Variants in LYPLAL1 observed in about 807,000 individuals in gnomAD.
The protein encoded by LYPLAL1 is lysophospholipase-like protein 1.
Under a neutral mutation model 19.7 loss-of-function variants are expected in LYPLAL1, and 23 were observed. The ratio of observed to expected loss-of-function variants is 1.17; its 90% CI spans 0.84 to 1.65. LYPLAL1 has a LOEUF of 1.65. Among genes scored for constraint, LYPLAL1 ranks in the 40% most tolerant of loss-of-function variants. LYPLAL1 has a pLI of 0.00. For missense variants in LYPLAL1, 355 were observed against 279.4 expected (o/e 1.27, Z -1.93); for synonymous variants, 119 against 96.3 (o/e 1.24, Z -1.38).
the LYPLAL1 span, among the ~76,000 whole-genome samples, chr1:219,281,259 T>A: frequency 2.6e-5 from 4 of 152,154 alleles, no homozygotes; most frequent in African/African-American, 9.6e-5. Context: ...GCAATTAATA[T>A]CTTCCCTGTC....
chr1:219,329,900 G>A, the LYPLAL1 span, among the ~76,000 whole-genome samples: 1 of 151,892 alleles, frequency 6.6e-6, no homozygotes, highest in Non-Finnish European at 1.5e-5. Context: ...TCTCCTCCTC[G>A]CCCCCACCCC....
chr1:219,392,789 A>G, the LYPLAL1 span, among the ~76,000 whole-genome samples: 1 of 152,306 alleles, frequency 6.6e-6, no homozygotes, highest in South Asian at 2.1e-4. Context: ...TTGAGCCCAC[A>G]GCCTCCATAA....
chr1:219,440,038 T>TATAC, the LYPLAL1 span, among the ~76,000 whole-genome samples: 1 of 145,046 alleles, frequency 6.9e-6, no homozygotes, highest in Non-Finnish European at 1.5e-5. Flanking sequence ...TATATATATA[T>TATAC]ACACTCAGTG....
the LYPLAL1 span, among the ~76,000 whole-genome samples, chr1:219,282,121 C>A: frequency 6.6e-6 from 1 of 152,108 alleles, no homozygotes; most frequent in Non-Finnish European, 1.5e-5. Context: ...TTTCGAAAAT[C>A]ATAATGTCCT....
rs72511830 is a variant in LYPLAL1, at chr1:219,193,061, G to GA, written c.192-21_192-20insA. 7.3e-6 allele frequency: 11 copies of GA among 1,510,648 alleles called. No individual in the cohort carries two copies. In the African/African-American group the frequency reaches 8.5e-5, roughly 12 times the overall value. 93.6% of individuals were successfully genotyped at this position (1,510,648 alleles called of 1,614,324 possible). On this transcript the variant is annotated intron_variant, in intron 2 of 4. Coordinates refer to ENST00000366928, the MANE Select transcript of LYPLAL1 (RefSeq NM_138794.5). Reference sequence around the variant, plus strand: ...TCCCTTTTCCTTTCTTTTTTTTTGGGGGGGGGCGGTTGTTAAACAGATCAT... The same window carrying GA: ...TCCCTTTTCCTTTCTTTTTTTTTGGGAGGGGGGCGGTTGTTAAACAGATCAT...
the LYPLAL1 span, among the ~76,000 whole-genome samples, chr1:219,372,340 C>A: frequency 3.3e-5 from 5 of 152,156 alleles, no homozygotes; most frequent in Non-Finnish European, 7.3e-5. Context: ...GATTTTAGAA[C>A]CTCTAAAATG....
chr1:219,365,738 A>G, the LYPLAL1 span, among the ~76,000 whole-genome samples: 1 of 152,166 alleles, frequency 6.6e-6, no homozygotes, highest in African/African-American at 2.4e-5. Flanking sequence ...TGTGACCATG[A>G]TATATGGGAA....
chr1:219,205,475 G>A (rs1658501027), intron 3 of LYPLAL1, among the ~76,000 whole-genome samples: 1 of 151,762 alleles, frequency 6.6e-6, no homozygotes, highest in East Asian at 1.9e-4. Flanking sequence ...AGTATTACAT[G>A]AAAAAAATAA....
At chr1:219,317,086 A>T in the LYPLAL1 span, among the ~76,000 whole-genome samples, 1 of 152,186 alleles carries the variant, frequency 6.6e-6, no homozygotes, top group Non-Finnish European at 1.5e-5. Flanking sequence ...AAATTGGAAA[A>T]TTTTTAAGGT....
At chr1:219,291,914 A>G in the LYPLAL1 span, among the ~76,000 whole-genome samples, 1 of 152,176 alleles carries the variant, frequency 6.6e-6, no homozygotes, top group Non-Finnish European at 1.5e-5. Flanking sequence ...AAAGAAAAGA[A>G]AAACTTAGCT....
intron 3 of LYPLAL1, among the ~76,000 whole-genome samples, chr1:219,199,526 T>C (rs2125085053): frequency 6.6e-6 from 1 of 151,378 alleles, no homozygotes; most frequent in East Asian, 2.0e-4. Flanking sequence ...CACTGCAACC[T>C]CCACCTCCTG....
chr1:219,326,317 TG>T, the LYPLAL1 span, among the ~76,000 whole-genome samples: 7,149 of 65,606 alleles, frequency 0.11, 188 homozygotes, highest in South Asian at 0.17. Context: ...GGTTGGGGGG[TG>T]GGGGGGCATT....
chr1:219,380,306 G>A, the LYPLAL1 span, among the ~76,000 whole-genome samples: 9 of 152,186 alleles, frequency 5.9e-5, no homozygotes, highest in African/African-American at 1.7e-4. Context: ...TGGGTGGGAC[G>A]CTGTAAAAGG....
chr1:219,179,326 C>A, intron 2 of LYPLAL1, 80 bp downstream of exon 2: 1 of 985,186 alleles, frequency 1.0e-6, no homozygotes, highest in Non-Finnish European at 1.6e-6. Context: ...GCTAGGTGTT[C>A]TTTAAGCTTA....
the LYPLAL1 span, among the ~76,000 whole-genome samples, chr1:219,437,852 C>T: frequency 1.3e-5 from 2 of 151,746 alleles, no homozygotes; most frequent in African/African-American, 4.8e-5. Flanking sequence ...CTGCAACCTC[C>T]ACCTCCCCGG....
chr1:219,428,836 C>A, the LYPLAL1 span, among the ~76,000 whole-genome samples: 1 of 152,206 alleles, frequency 6.6e-6, no homozygotes, highest in East Asian at 1.9e-4. Context: ...TTTCATTTCT[C>A]TCCCAAAATT....
At chr1:219,307,350 A>G in the LYPLAL1 span, among the ~76,000 whole-genome samples, 6 of 152,306 alleles carry the variant, frequency 3.9e-5, no homozygotes, top group East Asian at 1.2e-3. Flanking sequence ...TGAATTGAAG[A>G]TGGTGGAATG....
chr1:219,219,077 C>T, the LYPLAL1 span, among the ~76,000 whole-genome samples: 7 of 152,146 alleles, frequency 4.6e-5, no homozygotes, highest in African/African-American at 1.7e-4. Flanking sequence ...GTGTCTAGGA[C>T]AGTGTTGCCA....
At chr1:219,248,105 A>G in the LYPLAL1 span, among the ~76,000 whole-genome samples, 3 of 152,180 alleles carry the variant, frequency 2.0e-5, no homozygotes, top group Non-Finnish European at 2.9e-5. Flanking sequence ...GTATTACTTC[A>G]TGGTTCCCAA....
Sources: allele counts gnomAD v4.1 joint callset (sites outside exome capture counted in the v4.1 genomes callset), GRCh38; gene constraint gnomAD v4.1.1; transcripts MANE v1.5; gene names NCBI Gene and HGNC (gene_info 2026-07-23, HGNC 2026-07-21).